The following ZNF223 variants were observed in gnomAD, a reference collection of about 807,000 sequenced individuals.
ZNF223 encodes the protein zinc finger protein 223, also known as Homo sapiens zinc finger protein 223.
In ZNF223, 9 loss-of-function variants were observed where a neutral mutation model predicts 12.3. The ratio of observed to expected loss-of-function variants is 0.73; its 90% CI spans 0.44 to 1.28. ZNF223 has a LOEUF of 1.28. Among genes scored for constraint, ZNF223 ranks in the 50% most tolerant of loss-of-function variants. The pLI is 0.00. For missense variants in ZNF223, 506 were observed against 579.0 expected (o/e 0.87, Z 1.29); for synonymous variants, 171 against 195.2 (o/e 0.88, Z 1.03).
chr19:44,053,548 G>C (rs1479885478), intron 1 of ZNF223, among the ~76,000 whole-genome samples: 2 of 152,202 alleles, frequency 1.3e-5, no homozygotes, highest in Admixed American at 6.5e-5. Context: ...TCAGTAAATA[G>C]AATGTACGAT....
chr19:44,058,402 T>C (rs1976796358), intron 2 of ZNF223, among the ~76,000 whole-genome samples: 1 of 152,146 alleles, frequency 6.6e-6, no homozygotes, highest in Admixed American at 6.5e-5. Flanking sequence ...GAATTATAGC[T>C]GGAATACATT....
intron 2 of ZNF223, among the ~76,000 whole-genome samples, chr19:44,057,207 G>C (rs1381655236): frequency 2.6e-5 from 4 of 152,072 alleles, no homozygotes; most frequent in Non-Finnish European, 5.9e-5. Flanking sequence ...GGAGAATTAG[G>C]GTACTTGTAT....
intron 1 of ZNF223, among the ~76,000 whole-genome samples, chr19:44,052,875 A>C (rs1158778733): frequency 6.6e-6 from 1 of 152,038 alleles, no homozygotes; most frequent in Non-Finnish European, 1.5e-5. Context: ...ATTACATGTC[A>C]GATAGATGTG....
chr19:44,057,705 T>C (rs1373349269), intron 2 of ZNF223, among the ~76,000 whole-genome samples: 8 of 152,208 alleles, frequency 5.3e-5, no homozygotes, highest in Non-Finnish European at 7.3e-5. Context: ...CACTGAGGCA[T>C]TCTGGCTTCT....
Position 44,067,213 on chromosome 19 carries a change from G to A in ZNF223, c.1385G>A (p.Gly462Glu), listed in dbSNP as rs1423128210. ...AATCCATCCAAATGTGAAGACTGTG[G>A]GAAGCGCTACAAGAGGCGCTTGAAT... is the stretch of plus-strand genomic sequence containing the variant. ...GENPSKCEDCGKRYKRRLNLD... is the reference protein window; with the variant it reads ...GENPSKCEDCEKRYKRRLNLD... Residue 462 changes from glycine to glutamate, a missense_variant, in exon 5 of 5, where the codon GGG becomes GAG. Transcript: ENST00000434772. 2.5e-6 allele frequency: 4 copies of A among 1,609,478 alleles called. No individual in the cohort carries two copies. In the South Asian group the frequency reaches 3.3e-5, roughly 13 times the overall value.
chr19:44,059,154 T>C (rs1976805418), intron 2 of ZNF223, among the ~76,000 whole-genome samples: 1 of 152,220 alleles, frequency 6.6e-6, no homozygotes. Flanking sequence ...TTGGCACAGT[T>C]GCATAAGGTC....
At chr19:44,058,032 C>G (rs1343914621) in intron 2 of ZNF223, among the ~76,000 whole-genome samples, 1 of 152,014 alleles carries the variant, frequency 6.6e-6, no homozygotes, top group Non-Finnish European at 1.5e-5. Flanking sequence ...GCTGAGGCAC[C>G]CCAGAAGGTA....
chr19:44,064,212 G>A (rs988811851), intron 4 of ZNF223, among the ~76,000 whole-genome samples: 1 of 152,118 alleles, frequency 6.6e-6, no homozygotes, highest in Admixed American at 6.5e-5. Flanking sequence ...TCTATTGAAG[G>A]TTTTAACTTT....
In ZNF223 at chr19:44,067,751, C is replaced by G. The variant is rs922945097; in HGVS notation, c.*474C>G. ...ATTAGTTATTATTCAGGAGACAGGT[C>G]TTAGTATAAGAGTTTGTTCACACAC... On this transcript the variant is annotated 3_prime_UTR_variant, in exon 5 of 5. Coordinates refer to ENST00000434772, the MANE Select transcript of ZNF223 (RefSeq NM_013361.6). 7 of 272,898 alleles carry G rather than the reference C, an allele frequency of 2.6e-5. No individual in the cohort carries two copies. Among genetic ancestry groups the G allele is most frequent in the Admixed American group, 1.9e-4 (4 of 20,586 alleles). The allele number at this position is 272,898 out of a possible 1,614,324, so 16.9% of individuals were successfully genotyped here.
chr19:44,054,617 G>A (rs967729925), intron 1 of ZNF223, among the ~76,000 whole-genome samples: 3 of 151,950 alleles, frequency 2.0e-5, no homozygotes, highest in Non-Finnish European at 4.4e-5. Flanking sequence ...GTGGTCTTTA[G>A]GAACTTTGAA....
At chr19:44,056,585 A>ATTTTTTTTTTTTTTTTTTTTTTTT (rs775187674) in intron 2 of ZNF223, among the ~76,000 whole-genome samples, 2 of 72,158 alleles carry the variant, frequency 2.8e-5, no homozygotes, top group African/African-American at 1.3e-4. Flanking sequence ...ATGCCTCACC[A>ATTTTTTTTTTTTTTTTTTTTTTTT]TTTTTTTTTT....
chr19:44,066,623 T>C lies in ZNF223; in HGVS notation c.795T>C (p.Cys265=). 1 of 1,614,082 alleles carries C rather than the reference T, an allele frequency of 6.2e-7. No individual in the cohort carries two copies. Among genetic ancestry groups the C allele is most frequent in the Non-Finnish European group, 8.5e-7 (1 of 1,180,016 alleles). Residue 265 remains cysteine (C), a synonymous_variant, in exon 5 of 5, where the codon TGT becomes TGC. Coordinates refer to ENST00000434772, the MANE Select transcript of ZNF223 (RefSeq NM_013361.6). ...MGEKHYNCEA[C]GRAFIHDFQL... is the part of the protein sequence containing the mutation. The stretch of plus-strand genomic sequence containing the variant: ...AGAAACATTATAATTGTGAGGCATG[T>C]GGGAGGGCCTTCATTCATGATTTCC...
intron 2 of ZNF223, 117 bp from the exon 3 acceptor site, chr19:44,060,338 C>G (rs1976820282): frequency 1.3e-6 from 2 of 1,485,754 alleles, no homozygotes; most frequent in Non-Finnish European, 1.8e-6. Flanking sequence ...ATAAGTTGAC[C>G]TACATCTCTG....
Position 44,067,702 on chromosome 19 carries a change from A to G in ZNF223, c.*425A>G. ...GGACTGTCAGAGCAGAGAATGCTGC[A>G]GGGTTTCTAACAGAAGTTTGACAAT... On this transcript the variant is annotated 3_prime_UTR_variant, in exon 5 of 5. Coordinates refer to ENST00000434772, the MANE Select transcript of ZNF223 (RefSeq NM_013361.6). The G allele has an allele frequency of 3.0e-6, 1 of 330,226 alleles. No individual in the cohort carries two copies. The allele number at this position is 330,226 out of a possible 1,614,324, so 20.5% of individuals were successfully genotyped here. A position where few individuals can be genotyped will look rare whatever the true frequency, so the allele number is the denominator to read the frequency against.
intron 1 of ZNF223, among the ~76,000 whole-genome samples, chr19:44,053,478 A>G (rs1447445016): frequency 1.3e-5 from 2 of 152,248 alleles, no homozygotes; most frequent in Non-Finnish European, 2.9e-5. Flanking sequence ...TCAGTGCAGT[A>G]AAGACCAGTA....
At chr19:44,061,882 G>GTTTTA (rs1257107144) in intron 4 of ZNF223, among the ~76,000 whole-genome samples, 8 of 152,340 alleles carry the variant, frequency 5.3e-5, no homozygotes, top group African/African-American at 1.9e-4. Context: ...TGTCATGGAA[G>GTTTTA]AGGTCATCTT....
chr19:44,058,855 C>T (rs1376646677), intron 2 of ZNF223, among the ~76,000 whole-genome samples: 1 of 152,242 alleles, frequency 6.6e-6, no homozygotes, highest in Admixed American at 6.5e-5. Flanking sequence ...CACCTCCAGG[C>T]AGGTCCCCAG....
At position 44,058,897 on chromosome 19, in the gene ZNF223, C is replaced by CAA. The variant is rs986765528; in HGVS notation, c.16-1558_16-1557insAA. Among the ~76,000 whole-genome samples the CAA allele has an allele frequency of 2.3e-3, 345 of 152,312 alleles. 1 individual carries two copies. Among genetic ancestry groups the CAA allele is most frequent in the African/African-American group, 7.8e-3 (326 of 41,576 alleles). The stretch of plus-strand genomic sequence containing the variant: ...TGGGGCACAGCTTTAGCCTTCTTGC[C>CAA]CAGTGGTGCATCTCGCTTCCAGGGT... On this transcript the variant is annotated intron_variant, in intron 2 of 4. Coordinates refer to ENST00000434772, the MANE Select transcript of ZNF223 (RefSeq NM_013361.6).
chr19:44,066,285 T>C lies in ZNF223; in HGVS notation c.457T>C (p.Cys153Arg). Residue 153 changes from cysteine (C) to arginine (R), a missense_variant, in exon 5 of 5, where the codon TGT becomes CGT. Coordinates refer to ENST00000434772, the MANE Select transcript of ZNF223 (RefSeq NM_013361.6). ...ACAGAAACCTTCCAATTGTGGGAAG[T>C]GTAAACAATCCTTCAGTGATATGTC... The part of the protein sequence containing the change: ...TGQKPSNCGK[C>R]KQSFSDMSIF... 6.2e-7 allele frequency: 1 copy of C among 1,614,218 alleles called. No homozygotes were observed. Among genetic ancestry groups the C allele is most frequent in the Non-Finnish European group, 8.5e-7 (1 of 1,180,038 alleles).
Sources: allele counts gnomAD v4.1 joint callset (sites outside exome capture counted in the v4.1 genomes callset), GRCh38; gene constraint gnomAD v4.1.1; transcripts MANE v1.5; gene names NCBI Gene and HGNC (gene_info 2026-07-23, HGNC 2026-07-21).